The following FNDC3B variants were observed in gnomAD, a reference collection of about 807,000 sequenced individuals.
The protein encoded by FNDC3B is fibronectin type III domain-containing protein 3B.
FNDC3B carries 12 observed loss-of-function variants against 151.5 expected under a neutral mutation model. The ratio of observed to expected loss-of-function variants is 0.08; its 90% CI spans 0.05 to 0.13. FNDC3B has a LOEUF of 0.13. Among genes scored for constraint, FNDC3B ranks in the 10% least tolerant of loss-of-function variants. The probability of loss-of-function intolerance (pLI) is 1.00; values close to 1 mark genes in which losing one functional copy is unlikely to be tolerated. For missense variants in FNDC3B, 1,214 were observed against 1,505.3 expected, an observed-to-expected ratio of 0.81 and a Z score of 3.20; for synonymous variants, 528 against 549.0, an observed-to-expected ratio of 0.96 and a Z score of 0.54.
chr3:172,269,952 C>A (rs191900630), intron 6 of FNDC3B, among the ~76,000 whole-genome samples: 4 of 152,304 alleles, frequency 2.6e-5, no homozygotes, highest in East Asian at 3.9e-4. Flanking sequence ...CGGCCTAAAT[C>A]TGTGCTTTTT....
chr3:172,163,634 A>G (rs370132238), intron 3 of FNDC3B, among the ~76,000 whole-genome samples: 5 of 152,164 alleles, frequency 3.3e-5, no homozygotes, highest in African/African-American at 9.7e-5. Context: ...TAACATTTCA[A>G]AGATATTGTG....
chr3:172,237,132 C>T lies in FNDC3B; in HGVS notation c.264+10185C>T, dbSNP rs570980287. Among the ~76,000 whole-genome samples the T allele has an allele frequency of 6.6e-5, 10 of 152,320 alleles. No individual in the cohort carries two copies. The East Asian group carries it at 1.7e-3, about 26-fold the overall frequency. On this transcript the variant is annotated intron_variant, in intron 4 of 25. Transcript: ENST00000415807. Reference sequence around the variant, plus strand: ...TGAGAGTGTCTTCTTATACTGATCACCTCTGAAATAAAGCCTGTCGGTAAG... The same window carrying T: ...TGAGAGTGTCTTCTTATACTGATCATCTCTGAAATAAAGCCTGTCGGTAAG...
intron 1 of FNDC3B, among the ~76,000 whole-genome samples, chr3:172,085,206 G>T (rs1718487392): frequency 6.6e-6 from 1 of 152,184 alleles, no homozygotes; most frequent in African/African-American, 2.4e-5. Context: ...TCAGGATATG[G>T]CCTACAGATT....
At position 172,399,592 on chromosome 3, in the gene FNDC3B, A is replaced by AT. The variant is rs903033085; in HGVS notation, c.*2117_*2118insT. Reference sequence around the variant, plus strand: ...TTTGCAAACTGATGGCATCAAGGTAAATATATTTTTGCCAAAGTTCTGGCC... The same window carrying AT: ...TTTGCAAACTGATGGCATCAAGGTAATATATATTTTTGCCAAAGTTCTGGCC... On this transcript the variant is annotated 3_prime_UTR_variant, in exon 26 of 26. Transcript: ENST00000415807. 1.3e-5 allele frequency: 2 copies of AT among 152,668 alleles called. No individual in the cohort carries two copies. The highest frequency in any genetic ancestry group is 4.8e-5 in the African/African-American group (2 of 41,462). The allele number at this position is 152,668 out of a possible 1,614,324, so 9.5% of individuals were successfully genotyped here.
At chr3:172,177,839 C>T (rs2108647021) in intron 3 of FNDC3B, among the ~76,000 whole-genome samples, 1 of 152,034 alleles carries the variant, frequency 6.6e-6, no homozygotes, top group Non-Finnish European at 1.5e-5. Flanking sequence ...TGTCCTGATG[C>T]TCTCCCTCCC....
At position 172,362,816 on chromosome 3, in the gene FNDC3B, C is replaced by CACACTA; in HGVS notation, c.2980_2985dup (p.Thr994_Leu995dup). On this transcript the variant is annotated inframe_insertion, in exon 23 of 26. Transcript: ENST00000415807. ...CACATGCTGCTGAGGACATTGTGTA[C>CACACTA]ACACTACAGCTGGAGGACAGAAACA... 1 of 1,613,814 alleles carries CACACTA rather than the reference C, an allele frequency of 6.2e-7. No homozygotes were observed. The highest frequency in any genetic ancestry group is 8.5e-7 in the Non-Finnish European group (1 of 1,179,878).
intron 3 of FNDC3B, among the ~76,000 whole-genome samples, chr3:172,165,408 A>G (rs1722959580): frequency 1.3e-5 from 2 of 152,252 alleles, no homozygotes; most frequent in African/African-American, 4.8e-5. Context: ...AGTAGTTTCA[A>G]GGAAAAGTGA....
chr3:172,246,119 A>T (rs373235058), intron 4 of FNDC3B, among the ~76,000 whole-genome samples: 1 of 152,158 alleles, frequency 6.6e-6, no homozygotes, highest in Non-Finnish European at 1.5e-5. Context: ...TTTGTCCTAT[A>T]ATTAACCTCC....
chr3:172,309,631 CTAAAG>C (rs968095860), intron 10 of FNDC3B, among the ~76,000 whole-genome samples: 16 of 152,128 alleles, frequency 1.1e-4, no homozygotes, highest in African/African-American at 3.9e-4. Context: ...TTGTGTGACT[CTAAAG>C]AGAGAAGGAA....
intron 7 of FNDC3B, among the ~76,000 whole-genome samples, chr3:172,292,268 T>A (rs1236277085): frequency 1.3e-5 from 2 of 152,192 alleles, no homozygotes; most frequent in Non-Finnish European, 2.9e-5. Context: ...CCGCTTTCCT[T>A]TGAGAATGAT....
chr3:172,327,249 A>G (rs1732403211), intron 11 of FNDC3B, among the ~76,000 whole-genome samples: 3 of 152,122 alleles, frequency 2.0e-5, no homozygotes, highest in African/African-American at 7.2e-5. Context: ...TTGCATCTGA[A>G]TGCACCTTGA....
At chr3:172,159,037 T>G (rs797020491) in intron 3 of FNDC3B, among the ~76,000 whole-genome samples, 8 of 152,306 alleles carry the variant, frequency 5.3e-5, no homozygotes, top group Admixed American at 2.6e-4. Flanking sequence ...ATCCCAGCAT[T>G]TGGGAGACCA....
At chr3:172,355,571 T>A (rs1165617945) in intron 22 of FNDC3B, among the ~76,000 whole-genome samples, 1 of 152,182 alleles carries the variant, frequency 6.6e-6, no homozygotes, top group Non-Finnish European at 1.5e-5. Flanking sequence ...ATTTTGATGC[T>A]TATGAAACTT....
intron 22 of FNDC3B, among the ~76,000 whole-genome samples, chr3:172,360,121 G>C (rs1176839902): frequency 6.6e-6 from 1 of 152,140 alleles, no homozygotes; most frequent in African/African-American, 2.4e-5. Context: ...TGAAATAGGA[G>C]AGTTCCAGTT....
chr3:172,285,807 CATG>C lies in FNDC3B; in HGVS notation c.791-116_791-114del, dbSNP rs1729978723. 2.9e-5 allele frequency: 21 copies of C among 714,864 alleles called. 1 individual carries two copies. In the South Asian group the frequency reaches 3.4e-4, roughly 12 times the overall value. 44.3% of individuals were successfully genotyped at this position (714,864 alleles called of 1,614,324 possible). A position where few individuals can be genotyped will look rare whatever the true frequency, so the allele number is the denominator to read the frequency against. The stretch of plus-strand genomic sequence containing the variant: ...GGTAACATTTGTAATATCAAAAATT[CATG>C]ATAACAGGCAACTGATTTAATGATA... On this transcript the variant is annotated intron_variant, in intron 6 of 25. Coordinates refer to ENST00000415807, the MANE Select transcript of FNDC3B (RefSeq NM_022763.4).
chr3:172,091,680 G>A lies in FNDC3B; in HGVS notation c.-28-20772G>A, dbSNP rs778115418. On this transcript the variant is annotated intron_variant, in intron 1 of 25. Coordinates refer to ENST00000415807, the MANE Select transcript of FNDC3B (RefSeq NM_022763.4). ...GCAGTTGCTAAACATATAAGAATAC[G>A]TATTCATATCTGTTAAATATGGTGC... Among the ~76,000 whole-genome samples, 66 of 152,250 alleles carry A rather than the reference G, an allele frequency of 4.3e-4. 1 individual carries two copies. The highest frequency in any genetic ancestry group is 9.2e-4 in the Admixed American group (14 of 15,286).
chr3:172,251,672 CCTT>C, intron 6 of FNDC3B, 131 bp downstream of exon 6: 4 of 768,410 alleles, frequency 5.2e-6, no homozygotes, highest in Non-Finnish European at 7.9e-6. Context: ...TTTGAGTAGA[CCTT>C]CTTTGATCTA....
intron 2 of FNDC3B, among the ~76,000 whole-genome samples, chr3:172,126,609 C>A (rs903771738): frequency 4.6e-5 from 7 of 152,198 alleles, no homozygotes; most frequent in Admixed American, 4.6e-4. Flanking sequence ...TCTTAAGTAT[C>A]CAGCTGTAAA....
At chr3:172,143,191 A>T (rs1031853088) in intron 3 of FNDC3B, among the ~76,000 whole-genome samples, 10 of 152,174 alleles carry the variant, frequency 6.6e-5, no homozygotes, top group African/African-American at 2.4e-4. Flanking sequence ...GAAGTTATTT[A>T]TTTTTGTTGT....
Sources: gnomAD v4.1 joint callset for allele counts (sites outside exome capture counted in the v4.1 genomes callset) on GRCh38, gnomAD v4.1.1 for gene constraint, MANE v1.5 for transcripts, NCBI Gene and HGNC (gene_info 2026-07-23, HGNC 2026-07-21) for gene names.